The following CSMD1 variants were observed in gnomAD, a reference collection of about 807,000 sequenced individuals.
The protein encoded by CSMD1 is CUB and Sushi multiple domains 1, also known as CUB and sushi domain-containing protein 1.
In CSMD1, 213 loss-of-function variants were observed where a neutral mutation model predicts 417.5. That is an observed-to-expected ratio of 0.51 (90% confidence interval 0.46 to 0.57). The LOEUF is 0.57. Ranked by LOEUF, CSMD1 falls within the 20% of genes least tolerant of loss-of-function variation. CSMD1 has a pLI of 0.00. For synonymous variants in CSMD1, 2,862 were observed against 1,736.8 expected (o/e 1.65, Z -16.11); for missense variants, 6,923 against 4,529.7 (o/e 1.53, Z -15.17).
intron 7 of CSMD1, among the ~76,000 whole-genome samples, chr8:3,652,235 C>T (rs920323747): frequency 5.3e-5 from 8 of 151,692 alleles, no homozygotes; most frequent in African/African-American, 9.7e-5. Context: ...ACCACCAGAG[C>T]GCCTACCAAC....
chr8:4,208,125 G>T (rs886377795), intron 3 of CSMD1, among the ~76,000 whole-genome samples: 3 of 152,110 alleles, frequency 2.0e-5, no homozygotes, highest in African/African-American at 7.2e-5. Flanking sequence ...TACACATGAT[G>T]ATTTTCTTAA....
At chr8:4,589,222 C>A (rs2617081) in intron 2 of CSMD1, among the ~76,000 whole-genome samples, 55,759 of 151,924 alleles carry the variant, frequency 0.37, 10,308 homozygotes, top group South Asian at 0.43. Flanking sequence ...AAAAGAACTA[C>A]ATTTTTCTAT....
At chr8:2,991,368 T>C (rs1281817191) in intron 54 of CSMD1, among the ~76,000 whole-genome samples, 1 of 152,210 alleles carries the variant, frequency 6.6e-6, no homozygotes, top group African/African-American at 2.4e-5. Flanking sequence ...CTGTCACTGT[T>C]GGAGATTTTT....
At chr8:3,300,613 G>T (rs1274546800) in intron 25 of CSMD1, among the ~76,000 whole-genome samples, 1 of 152,038 alleles carries the variant, frequency 6.6e-6, no homozygotes, top group Non-Finnish European at 1.5e-5. Context: ...ATAAATATAA[G>T]CAAAGATTTA....
chr8:4,094,233 C>G (rs991621104), intron 3 of CSMD1, among the ~76,000 whole-genome samples: 2 of 151,958 alleles, frequency 1.3e-5, no homozygotes, highest in African/African-American at 4.8e-5. Context: ...CCCTCGTAAC[C>G]TGGACAAGTT....
intron 8 of CSMD1, among the ~76,000 whole-genome samples, chr8:3,593,906 C>T (rs1800971917): frequency 6.6e-6 from 1 of 152,136 alleles, no homozygotes; most frequent in African/African-American, 2.4e-5. Flanking sequence ...TAAAACACTG[C>T]TTTTTCCCAA....
At chr8:3,649,966 T>C (rs1315793390) in intron 7 of CSMD1, among the ~76,000 whole-genome samples, 1 of 152,018 alleles carries the variant, frequency 6.6e-6, no homozygotes, top group Non-Finnish European at 1.5e-5. Context: ...CAATCTTAAA[T>C]GCTAGGAGAG....
At chr8:3,397,302 T>C (rs1811763302) in intron 16 of CSMD1, among the ~76,000 whole-genome samples, 2 of 152,194 alleles carry the variant, frequency 1.3e-5, no homozygotes, top group Admixed American at 1.3e-4. Flanking sequence ...TGGATGTTGC[T>C]GATGAATTGG....
chr8:3,748,504 T>C (rs1797166052), intron 6 of CSMD1, among the ~76,000 whole-genome samples: 1 of 152,184 alleles, frequency 6.6e-6, no homozygotes, highest in Admixed American at 6.5e-5. Flanking sequence ...CCTCCATTCC[T>C]TCCGCTAAAC....
intron 1 of CSMD1, among the ~76,000 whole-genome samples, chr8:4,791,738 G>T (rs1321354972): frequency 6.6e-6 from 1 of 152,140 alleles, no homozygotes; most frequent in African/African-American, 2.4e-5. Context: ...TTCTGACGAA[G>T]AAGTTCAATT....
At position 3,136,261 on chromosome 8, in the gene CSMD1, T is replaced by C. The variant is rs1818081037; in HGVS notation, c.6241+6204A>G. ...ACCAAGCCTTTTTTTTTTCTTTTTT[T>C]TTTTTTGCCCCCCGAGATAGAGTTT... is the stretch of plus-strand genomic sequence containing the variant. On this transcript the variant is annotated intron_variant, in intron 41 of 69. Coordinates refer to ENST00000635120, the MANE Select transcript of CSMD1 (RefSeq NM_033225.6). Among the ~76,000 whole-genome samples the C allele has an allele frequency of 2.0e-5, 3 of 151,226 alleles. 1 individual carries two copies. The South Asian group carries it at 6.3e-4, about 32-fold the overall frequency.
At chr8:3,897,219 G>A (rs1343357977) in intron 5 of CSMD1, among the ~76,000 whole-genome samples, 1 of 152,134 alleles carries the variant, frequency 6.6e-6, no homozygotes, top group Non-Finnish European at 1.5e-5. Context: ...ACAAAGGAGT[G>A]AGATGACACA....
intron 3 of CSMD1, among the ~76,000 whole-genome samples, chr8:4,418,166 G>C (rs750291155): frequency 1.3e-5 from 2 of 151,582 alleles, no homozygotes; most frequent in Non-Finnish European, 2.9e-5. Flanking sequence ...GTCTTCACTT[G>C]TCAACATCAG....
In CSMD1 at chr8:3,857,213, T is replaced by A. The variant is rs1804373583; in HGVS notation, c.819-103171A>T. On this transcript the variant is annotated intron_variant, in intron 5 of 69. Transcript: ENST00000635120. ...AGTGCCAAAGTTGTACAGGAGGGAG[T>A]AATTAATTGATACAACCTAGGTGGT... 3.3e-5 allele frequency among the ~76,000 whole-genome samples: 5 copies of A among 152,010 alleles called. No individual in the cohort carries two copies. In the South Asian group the frequency reaches 6.2e-4, roughly 19 times the overall value.
chr8:3,815,965 A>G (rs535822572), intron 5 of CSMD1, among the ~76,000 whole-genome samples: 14 of 152,326 alleles, frequency 9.2e-5, no homozygotes, highest in African/African-American at 3.1e-4. Flanking sequence ...TATTCCTCCA[A>G]TAGGTTTACT....
intron 3 of CSMD1, among the ~76,000 whole-genome samples, chr8:4,253,365 T>C (rs1185958568): frequency 6.7e-6 from 1 of 149,746 alleles, no homozygotes; most frequent in Non-Finnish European, 1.5e-5. Context: ...TAATTACGCA[T>C]TTAAATGCAT....
chr8:4,427,488 T>TACAC (rs3056569), intron 2 of CSMD1, among the ~76,000 whole-genome samples: 9 of 149,866 alleles, frequency 6.0e-5, no homozygotes, highest in South Asian at 4.2e-4. Flanking sequence ...CTTAATCAAA[T>TACAC]ACACACACAC....
At chr8:4,625,742 G>C (rs963842293) in intron 2 of CSMD1, among the ~76,000 whole-genome samples, 3 of 152,078 alleles carry the variant, frequency 2.0e-5, no homozygotes, top group Non-Finnish European at 4.4e-5. Flanking sequence ...ATATATATTT[G>C]AGAAAGAGTC....
rs1439328686 is a variant in CSMD1 at position 3,708,485 on chromosome 8, T to C, written c.938A>G (p.Lys313Arg). ...TCCTCTTGACTTCAACTCAATCGCCTTTTTCACTGGAAGAAACAAAACCAA... is the reference window on the plus strand; with the variant it reads ...TCCTCTTGACTTCAACTCAATCGCCCTTTTCACTGGAAGAAACAAAACCAA... ...KGFNAQFQVKKAIELKSRGVK... is the reference protein window; with the variant it reads ...KGFNAQFQVKRAIELKSRGVK... The change falls in exon 7 of 70, where the codon AAG (lysine) becomes AGG (arginine). Residue 313 changes from lysine (K) to arginine (R), a missense_variant. By Grantham distance (26) the Lys-to-Arg change is conservative. Coordinates refer to ENST00000635120, the MANE Select transcript of CSMD1 (RefSeq NM_033225.6). 6.2e-7 allele frequency: 1 copy of C among 1,612,870 alleles called. No homozygotes were observed. The highest frequency in any genetic ancestry group is 8.5e-7 in the Non-Finnish European group (1 of 1,178,974).
Sources: gnomAD v4.1 joint callset for allele counts (sites outside exome capture counted in the v4.1 genomes callset) on GRCh38, gnomAD v4.1.1 for gene constraint, MANE v1.5 for transcripts, NCBI Gene and HGNC (gene_info 2026-07-23, HGNC 2026-07-21) for gene names.